The following DRICH1 variants were observed in gnomAD, a reference collection of about 807,000 sequenced individuals.
DRICH1 encodes the protein aspartate-rich protein 1.
Under a neutral mutation model 39.5 loss-of-function variants are expected in DRICH1, and 38 were observed. The observed-to-expected ratio is 0.96, with a 90% CI of 0.74 to 1.26. The LOEUF (loss-of-function observed/expected upper bound fraction) is 1.26, where lower values mean the gene tolerates loss of function less well. Among genes scored for constraint, DRICH1 ranks in the 50% most tolerant of loss-of-function variants. The pLI, the probability that DRICH1 is intolerant of heterozygous loss-of-function variation, is 0.00. For synonymous variants in DRICH1, 84 were observed against 99.5 expected (o/e 0.84, Z 0.93); for missense variants, 279 against 270.4 (o/e 1.03, Z -0.22).
intron 1 of DRICH1, among the ~76,000 whole-genome samples, chr22:23,629,190 C>T (rs1490516150): frequency 3.3e-5 from 5 of 152,282 alleles, no homozygotes; most frequent in Middle Eastern, 3.4e-3. Flanking sequence ...AGGCACCCAC[C>T]ACCACATCCA....
chr22:23,607,670 A>G (rs1249371794), downstream of DRICH1, among the ~76,000 whole-genome samples: 1 of 152,046 alleles, frequency 6.6e-6, no homozygotes, highest in East Asian at 1.9e-4. Flanking sequence ...GCATGTTCCC[A>G]GGCCCCATCC....
the DRICH1 span, among the ~76,000 whole-genome samples, chr22:23,597,795 G>C: frequency 6.6e-6 from 1 of 152,044 alleles, no homozygotes; most frequent in Admixed American, 6.6e-5. Flanking sequence ...GCCTGGTGGG[G>C]GGCTGGGGCT....
intron 1 of DRICH1, among the ~76,000 whole-genome samples, chr22:23,631,290 G>A (rs1000234773): frequency 6.6e-6 from 1 of 151,860 alleles, no homozygotes; most frequent in African/African-American, 2.4e-5. Flanking sequence ...GTGGTAGTGG[G>A]CACCTGTAGT....
chr22:23,605,463 G>A (rs1002734580), downstream of DRICH1, among the ~76,000 whole-genome samples: 103 of 152,308 alleles, frequency 6.8e-4, no homozygotes, highest in Non-Finnish European at 3.8e-4. Flanking sequence ...CCTGGTGCTC[G>A]GGGAGGTGGC....
chr22:23,613,701 T>G, intron 9 of DRICH1, 41 bp from the exon 10 acceptor site: 2 of 1,461,334 alleles, frequency 1.4e-6, no homozygotes, highest in Non-Finnish European at 1.9e-6. Flanking sequence ...AATCAGATTC[T>G]GCTGTGCGCT....
downstream of DRICH1, among the ~76,000 whole-genome samples, chr22:23,606,057 A>G (rs1019728345): frequency 1.1e-4 from 16 of 152,162 alleles, no homozygotes; most frequent in Middle Eastern, 6.8e-3. Context: ...CTCAAAAAAA[A>G]AAAATTTTTT....
chr22:23,593,317 A>G, the DRICH1 span, among the ~76,000 whole-genome samples: 4 of 152,254 alleles, frequency 2.6e-5, no homozygotes, highest in Non-Finnish European at 5.9e-5. Context: ...AGAGAGAATG[A>G]ACAAACTTGA....
chr22:23,605,029 T>C (rs1569083617), downstream of DRICH1, among the ~76,000 whole-genome samples: 1 of 152,130 alleles, frequency 6.6e-6, no homozygotes, highest in African/African-American at 2.4e-5. Context: ...ATGAGCTGAG[T>C]GAGTTGGGCG....
the DRICH1 span, among the ~76,000 whole-genome samples, chr22:23,593,981 A>AAAAAAAAAAAG: frequency 1.4e-4 from 4 of 29,326 alleles, no homozygotes; most frequent in Non-Finnish European, 1.8e-4. Flanking sequence ...CTGTCTCAAA[A>AAAAAAAAAAAG]AAAAAAAAAG....
chr22:23,616,730 T>G (rs1927370954), intron 8 of DRICH1, 123 bp downstream of exon 8: 1 of 1,311,110 alleles, frequency 7.6e-7, no homozygotes, highest in African/African-American at 1.5e-5. Context: ...AGCTATACAC[T>G]TGCAGAATCA....
chr22:23,620,963 A>G (rs1473557333), intron 4 of DRICH1, among the ~76,000 whole-genome samples: 1 of 152,200 alleles, frequency 6.6e-6, no homozygotes, highest in Non-Finnish European at 1.5e-5. Context: ...TGTGTCATGT[A>G]TTCGATGAAA....
rs138617276 is a variant in DRICH1 at position 23,616,449 on chromosome 22, C to G, written c.541+404G>C. Among the ~76,000 whole-genome samples, 874 of 152,272 alleles carry G rather than the reference C, an allele frequency of 5.7e-3. 4 individuals carry two copies. Among genetic ancestry groups the G allele is most frequent in the Non-Finnish European group, 9.6e-3 (650 of 68,020 alleles). On this transcript the variant is annotated intron_variant, in intron 8 of 11. Transcript: ENST00000317749. ...ACTTTTTCTTTATCTATTTCTGCAC[C>G]TTCCCTAACCCTGCCAAGCAGCAGG...
chr22:23,614,320 T>G (rs928198981), intron 8 of DRICH1, 106 bp from the exon 9 acceptor site: 2 of 772,368 alleles, frequency 2.6e-6, no homozygotes, highest in Non-Finnish European at 4.6e-6. Context: ...TTAACAAGCA[T>G]GGACTGAGTT....
chr22:23,612,254 T>G (rs1267755015), intron 11 of DRICH1, among the ~76,000 whole-genome samples: 1 of 151,966 alleles, frequency 6.6e-6, no homozygotes, highest in African/African-American at 2.4e-5. Context: ...TCGCCTGAGC[T>G]GAGGAGTTCC....
downstream of DRICH1, among the ~76,000 whole-genome samples, chr22:23,605,391 C>A (rs1926672404): frequency 6.6e-6 from 1 of 152,134 alleles, no homozygotes; most frequent in South Asian, 2.1e-4. Context: ...GTGACTCTGG[C>A]TGAGGTCTAG....
chr22:23,624,488 A>C (rs1927943250), intron 3 of DRICH1, among the ~76,000 whole-genome samples: 1 of 152,184 alleles, frequency 6.6e-6, no homozygotes, highest in Non-Finnish European at 1.5e-5. Flanking sequence ...CCTCCCAAGC[A>C]GCAGGTATAA....
the DRICH1 span, among the ~76,000 whole-genome samples, chr22:23,583,630 C>T: frequency 2.0e-5 from 3 of 152,270 alleles, no homozygotes; most frequent in East Asian, 3.8e-4. Flanking sequence ...AGGCTGCATG[C>T]CAGACAGCTC....
chr22:23,606,108 C>A (rs548968595), downstream of DRICH1, among the ~76,000 whole-genome samples: 1 of 150,864 alleles, frequency 6.6e-6, no homozygotes, highest in Non-Finnish European at 1.5e-5. Flanking sequence ...AAAATTAATT[C>A]AAACAAGTTC....
chr22:23,627,104 C>T (rs1928113445), intron 1 of DRICH1, among the ~76,000 whole-genome samples: 1 of 140,706 alleles, frequency 7.1e-6, no homozygotes, highest in Non-Finnish European at 1.5e-5. Context: ...CGGAGTTTCA[C>T]TCTTGCTGCC....
Sources: allele counts gnomAD v4.1 joint callset (sites outside exome capture counted in the v4.1 genomes callset), GRCh38; gene constraint gnomAD v4.1.1; transcripts MANE v1.5; gene names NCBI Gene and HGNC (gene_info 2026-07-23, HGNC 2026-07-21).